Variants in RBFOX3 observed in about 807,000 individuals in gnomAD.
RBFOX3 encodes the protein RNA binding protein fox-1 homolog 3.
Under a neutral mutation model 48.7 loss-of-function variants are expected in RBFOX3, and 17 were observed. The observed-to-expected ratio is 0.35, with a 90% CI of 0.24 to 0.52. The LOEUF (loss-of-function observed/expected upper bound fraction) is 0.52. Ranked by LOEUF, RBFOX3 falls within the 20% of genes least tolerant of loss-of-function variation. The probability of loss-of-function intolerance (pLI) is 0.94; values close to 1 mark genes in which losing one functional copy is unlikely to be tolerated. For missense variants in RBFOX3, 382 were observed against 497.5 expected (o/e 0.77, Z 2.21); for synonymous variants, 212 against 209.5 (o/e 1.01, Z -0.10).
the RBFOX3 span, among the ~76,000 whole-genome samples, chr17:79,664,832 G>A: frequency 1.3e-5 from 2 of 152,168 alleles, no homozygotes; most frequent in African/African-American, 2.4e-5. Flanking sequence ...CACAAGGAGG[G>A]ACCTTCTATA....
At chr17:79,234,376 C>CATCT (rs1265053604) in intron 4 of RBFOX3, 3 of 152,268 alleles carry the variant, frequency 2.0e-5, no homozygotes, top group Admixed American at 6.5e-5. Context: ...AGCTCCAGGC[C>CATCT]ATCTGGTCAG....
intron 5 of RBFOX3, among the ~76,000 whole-genome samples, chr17:79,112,903 T>TCGGGG (rs1555693082): frequency 0.064 from 1,196 of 18,724 alleles, 100 homozygotes; most frequent in African/African-American, 0.26. Context: ...CAGCAGGCTC[T>TCGGGG]CGGGGGGGGG....
chr17:79,289,716 G>A (rs2072843708), intron 3 of RBFOX3, among the ~76,000 whole-genome samples: 1 of 152,176 alleles, frequency 6.6e-6, no homozygotes, highest in African/African-American at 2.4e-5. Context: ...CCTGGCCTCT[G>A]GTTTAGAGCT....
At chr17:79,458,740 C>T (rs782161354) in intron 2 of RBFOX3, among the ~76,000 whole-genome samples, 30 of 152,094 alleles carry the variant, frequency 2.0e-4, no homozygotes, top group African/African-American at 7.2e-5. Context: ...TCCTGGTGTC[C>T]GGGGACTCTG....
upstream of RBFOX3, among the ~76,000 whole-genome samples, chr17:79,613,232 G>A (rs1309183606): frequency 2.0e-5 from 3 of 152,266 alleles, no homozygotes; most frequent in African/African-American, 2.4e-5. Context: ...CTCAGGACAC[G>A]GTGGGCCTGC....
chr17:79,454,937 C>T (rs1309335470), intron 2 of RBFOX3, among the ~76,000 whole-genome samples: 4 of 152,238 alleles, frequency 2.6e-5, no homozygotes, highest in African/African-American at 4.8e-5. Context: ...CTACCTGCAC[C>T]CACTCAGACT....
At chr17:79,289,095 C>A (rs143156330) in intron 3 of RBFOX3, among the ~76,000 whole-genome samples, 230 of 152,310 alleles carry the variant, frequency 1.5e-3, no homozygotes, top group African/African-American at 5.2e-3. Context: ...CAGAACCTGT[C>A]ATCTCTAACC....
intron 4 of RBFOX3, among the ~76,000 whole-genome samples, chr17:79,177,730 C>T (rs892692192): frequency 1.3e-5 from 2 of 152,206 alleles, no homozygotes; most frequent in African/African-American, 4.8e-5. Flanking sequence ...GGAGATTTTA[C>T]TAGTAGTTCC....
chr17:79,392,927 T>A lies in RBFOX3; in HGVS notation c.-174-85103A>T, dbSNP rs12948471. Among the ~76,000 whole-genome samples, 2 of 152,214 alleles carry A rather than the reference T, an allele frequency of 1.3e-5. No individual in the cohort carries two copies. Among genetic ancestry groups the A allele is most frequent in the African/African-American group, 4.8e-5 (2 of 41,448 alleles). ...GACATGTACTTACTAAATAGGAATATTTATCAGTTAACGAACACACATTTC... is the reference window on the plus strand; with the variant it reads ...GACATGTACTTACTAAATAGGAATAATTATCAGTTAACGAACACACATTTC... On this transcript the variant is annotated intron_variant, in intron 2 of 14. Coordinates refer to ENST00000693108, the MANE Select transcript of RBFOX3 (RefSeq NM_001350451.2). This position sits in a 1 kb window ranked among gnomAD's most constrained non-coding sequence, Gnocchi z 5.0.
chr17:79,513,874 G>A (rs1222242280), intron 1 of RBFOX3, among the ~76,000 whole-genome samples: 1 of 152,174 alleles, frequency 6.6e-6, no homozygotes, highest in African/African-American at 2.4e-5. Context: ...TTGGCCTTCT[G>A]GGCCTGCCCC....
the RBFOX3 span, among the ~76,000 whole-genome samples, chr17:79,651,217 GC>G: frequency 6.6e-6 from 1 of 152,176 alleles, no homozygotes; most frequent in Non-Finnish European, 1.5e-5. Context: ...CCAGTAAACT[GC>G]TTTCCCCCAA....
the RBFOX3 span, among the ~76,000 whole-genome samples, chr17:79,656,379 A>C: frequency 4.6e-5 from 7 of 152,122 alleles, no homozygotes; most frequent in Non-Finnish European, 8.8e-5. Context: ...TTTGGGAGGC[A>C]GAAGTGGGCG....
intron 2 of RBFOX3, among the ~76,000 whole-genome samples, chr17:79,444,684 C>T (rs2071864943): frequency 6.6e-6 from 1 of 151,970 alleles, no homozygotes. Flanking sequence ...AGATTTGTGC[C>T]TTATAAGCCC....
At chr17:79,287,974 G>A (rs954308315) in intron 3 of RBFOX3, among the ~76,000 whole-genome samples, 2 of 152,318 alleles carry the variant, frequency 1.3e-5, no homozygotes, top group Non-Finnish European at 2.9e-5. Flanking sequence ...CATTCCGGGC[G>A]CTGCTGCAAC....
chr17:79,493,059 C>G (rs2080928482), intron 1 of RBFOX3, among the ~76,000 whole-genome samples: 1 of 152,112 alleles, frequency 6.6e-6, no homozygotes, highest in African/African-American at 2.4e-5. Context: ...GCAGGCTGTA[C>G]AGGAAGCACC....
intron 1 of RBFOX3, among the ~76,000 whole-genome samples, chr17:79,579,252 T>C (rs2092965479): frequency 6.6e-6 from 1 of 152,118 alleles, no homozygotes; most frequent in African/African-American, 2.4e-5. Flanking sequence ...CTGACATGCA[T>C]GCTGCGGTTG....
chr17:79,343,102 C>T (rs1019471462), intron 2 of RBFOX3, among the ~76,000 whole-genome samples: 3 of 152,192 alleles, frequency 2.0e-5, no homozygotes, highest in African/African-American at 7.2e-5. Context: ...CAATAACAAT[C>T]CAGCCAGCTG....
the RBFOX3 span, among the ~76,000 whole-genome samples, chr17:79,637,258 T>C: frequency 6.6e-6 from 1 of 151,836 alleles, no homozygotes; most frequent in Non-Finnish European, 1.5e-5. Flanking sequence ...AGAAAGAAAA[T>C]CAATAAGGAA....
At chr17:79,292,813 T>C (rs557755779) in intron 3 of RBFOX3, among the ~76,000 whole-genome samples, 1 of 126,558 alleles carries the variant, frequency 7.9e-6, no homozygotes, top group South Asian at 2.4e-4. Context: ...GAAACTGCAT[T>C]TGGGGGAAAA....
Sources: allele counts gnomAD v4.1 joint callset (sites outside exome capture counted in the v4.1 genomes callset), GRCh38; gene constraint gnomAD v4.1.1; non-coding constraint Gnocchi (gnomAD v3.1); transcripts MANE v1.5; gene names NCBI Gene and HGNC (gene_info 2026-07-23, HGNC 2026-07-21).